Variants in SEMA6D observed in about 807,000 individuals in gnomAD.
SEMA6D encodes semaphorin-6D.
A neutral mutation model predicts 106.6 loss-of-function variants in SEMA6D; 35 were observed. The observed-to-expected ratio is 0.33, with a 90% CI of 0.25 to 0.44. The LOEUF (loss-of-function observed/expected upper bound fraction) is 0.44, where lower values mean the gene tolerates loss of function less well. Ranked by LOEUF, SEMA6D falls within the 20% of genes least tolerant of loss-of-function variation. SEMA6D has a pLI of 1.00. For synonymous variants in SEMA6D, 499 were observed against 487.7 expected (o/e 1.02, Z -0.31); for missense variants, 1,185 against 1,345.9 (o/e 0.88, Z 1.87).
In SEMA6D at chr15:47,412,661, G is replaced by A. The variant is rs529437826; in HGVS notation, c.-159+189G>A. Reference sequence around the variant, plus strand: ...TACTGAACATAGTGTTTGTTGGTACGAGTGAAAATAGGGAAACTAATAATT... The same window carrying A: ...TACTGAACATAGTGTTTGTTGGTACAAGTGAAAATAGGGAAACTAATAATT... On this transcript the variant is annotated intron_variant, in intron 2 of 19. Transcript: ENST00000558014. Among the ~76,000 whole-genome samples, 17 of 152,260 alleles carry A rather than the reference G, an allele frequency of 1.1e-4. No individual in the cohort carries two copies. In the South Asian group the frequency reaches 1.7e-3, roughly 15 times the overall value.
chr15:47,677,008 A>G (rs1349946040), intron 4 of SEMA6D, among the ~76,000 whole-genome samples: 4 of 152,042 alleles, frequency 2.6e-5, no homozygotes, highest in Non-Finnish European at 4.4e-5. Context: ...GGAGAGTACA[A>G]CCTAGATCCC....
At chr15:47,254,925 A>G (rs1595556164) in intron 1 of SEMA6D, among the ~76,000 whole-genome samples, 6 of 88,422 alleles carry the variant, frequency 6.8e-5, no homozygotes, top group Admixed American at 4.7e-4. Context: ...GTCCTTGTCT[A>G]GTTTTGGTAC....
intron 4 of SEMA6D, among the ~76,000 whole-genome samples, chr15:47,675,156 C>T (rs969405437): frequency 2.6e-5 from 4 of 152,164 alleles, no homozygotes; most frequent in Non-Finnish European, 4.4e-5. Flanking sequence ...TTCTAGTTGG[C>T]ATACATAATT....
intron 1 of SEMA6D, among the ~76,000 whole-genome samples, chr15:47,248,511 C>T (rs545100581): frequency 3.3e-5 from 5 of 152,268 alleles, no homozygotes; most frequent in African/African-American, 1.2e-4. Context: ...GTAATGATTA[C>T]ATTAAATTAC....
intron 1 of SEMA6D, among the ~76,000 whole-genome samples, chr15:47,261,260 C>T (rs2034064155): frequency 6.6e-6 from 1 of 152,156 alleles, no homozygotes; most frequent in Non-Finnish European, 1.5e-5. Flanking sequence ...GAAGGAACCA[C>T]ATCTGTTTTG....
At chr15:47,408,652 T>C (rs774708717) in intron 1 of SEMA6D, among the ~76,000 whole-genome samples, 17 of 152,172 alleles carry the variant, frequency 1.1e-4, no homozygotes, top group Non-Finnish European at 2.1e-4. Context: ...CTAGGTATTA[T>C]TGGACAAGTA....
intron 1 of SEMA6D, among the ~76,000 whole-genome samples, chr15:47,385,732 G>T (rs2145716265): frequency 6.6e-6 from 1 of 152,224 alleles, no homozygotes; most frequent in African/African-American, 2.4e-5. Flanking sequence ...ATTTGGAACT[G>T]GGAAATGATA....
At position 47,242,339 on chromosome 15, in the gene SEMA6D, C is replaced by T. The variant is rs1489271804; in HGVS notation, c.-239+57921C>T. 2.0e-5 allele frequency among the ~76,000 whole-genome samples: 3 copies of T among 152,052 alleles called. No homozygotes were observed. In the East Asian group the frequency reaches 5.8e-4, roughly 29 times the overall value. ...TATCAACCCATTTTTGCCTGATTAT[C>T]TGAAATTACTGTCAGTAGTTGCTTT... On this transcript the variant is annotated intron_variant, in intron 1 of 19. Transcript: ENST00000558014.
intron 2 of SEMA6D, among the ~76,000 whole-genome samples, chr15:47,423,132 A>C (rs1003141724): frequency 6.6e-6 from 1 of 152,108 alleles, no homozygotes; most frequent in African/African-American, 2.4e-5. Context: ...TGTAATGCAT[A>C]TATTATAAAG....
chr15:47,393,336 G>C (rs893680164), intron 1 of SEMA6D: 8 of 152,182 alleles, frequency 5.3e-5, no homozygotes, highest in African/African-American at 1.9e-4. Flanking sequence ...GGACCTTGAT[G>C]GGAAACCAAA....
chr15:47,228,331 G>A (rs2141516678), intron 1 of SEMA6D, among the ~76,000 whole-genome samples: 1 of 151,872 alleles, frequency 6.6e-6, no homozygotes, highest in Middle Eastern at 3.4e-3. Context: ...TGGTACTTTT[G>A]ACCTGGGGCA....
At chr15:47,253,203 C>T (rs543045206) in intron 1 of SEMA6D, among the ~76,000 whole-genome samples, 35 of 152,164 alleles carry the variant, frequency 2.3e-4, no homozygotes, top group African/African-American at 7.9e-4. Context: ...ATTTACCTAG[C>T]GATCAGTGAT....
chr15:47,254,281 G>A (rs909233397), intron 1 of SEMA6D, among the ~76,000 whole-genome samples: 23 of 146,398 alleles, frequency 1.6e-4, no homozygotes, highest in African/African-American at 5.2e-4. Context: ...ACACATATAT[G>A]AGTGTGTATA....
intron 2 of SEMA6D, among the ~76,000 whole-genome samples, chr15:47,446,294 G>T (rs913231584): frequency 3.9e-5 from 6 of 152,146 alleles, no homozygotes; most frequent in Admixed American, 1.3e-4. Flanking sequence ...CACAAGCCTT[G>T]GGGGAAGCCA....
At chr15:47,569,744 A>T (rs1449532598) in intron 3 of SEMA6D, among the ~76,000 whole-genome samples, 1 of 152,150 alleles carries the variant, frequency 6.6e-6, no homozygotes, top group Non-Finnish European at 1.5e-5. Context: ...AATTTAGTAA[A>T]TTATCTTGCT....
chr15:47,625,168 T>C (rs1391804544), intron 4 of SEMA6D, among the ~76,000 whole-genome samples: 1 of 152,108 alleles, frequency 6.6e-6, no homozygotes, highest in Non-Finnish European at 1.5e-5. Flanking sequence ...CAAAGATTTT[T>C]TGGGGGGAGA....
At position 47,761,143 on chromosome 15, in the gene SEMA6D, G is replaced by A. The variant is rs777334923; in HGVS notation, c.283-15G>A. On this transcript the variant is annotated splice_polypyrimidine_tract_variant and intron_variant, in intron 4 of 18. Coordinates refer to ENST00000536845, the MANE Select transcript of SEMA6D (RefSeq NM_001358351.3). ...CGCAGTTAAAAACTGCTTTGGTTTT[G>A]CTTGATTAATACAGAAACTGACATG... The A allele has an allele frequency of 2.5e-6, 4 of 1,613,316 alleles. No homozygotes were observed. The highest frequency in any genetic ancestry group is 3.4e-6 in the Non-Finnish European group (4 of 1,179,738).
intron 2 of SEMA6D, among the ~76,000 whole-genome samples, chr15:47,436,988 AAGGGG>A (rs1215491021): frequency 8.4e-5 from 11 of 130,988 alleles, no homozygotes; most frequent in African/African-American, 1.1e-4. Context: ...AAGAGAAGGG[AAGGGG>A]AGGGGAGGGG....
At chr15:47,333,837 T>C (rs1459732126) in intron 1 of SEMA6D, among the ~76,000 whole-genome samples, 2 of 152,206 alleles carry the variant, frequency 1.3e-5, no homozygotes, top group African/African-American at 4.8e-5. Flanking sequence ...ACAACTCCCG[T>C]AGTCCTTGTT....
Sources: gnomAD v4.1 joint callset for allele counts (sites outside exome capture counted in the v4.1 genomes callset) on GRCh38, gnomAD v4.1.1 for gene constraint, MANE v1.5 for transcripts, NCBI Gene and HGNC (gene_info 2026-07-23, HGNC 2026-07-21) for gene names.